The following PLEC variants were observed in gnomAD, a reference collection of about 807,000 sequenced individuals.
PLEC encodes hemidesmosomal protein 1.
A neutral mutation model predicts 392.8 loss-of-function variants in PLEC; 216 were observed. That is an observed-to-expected ratio of 0.55 (90% CI 0.49 to 0.62). PLEC has a LOEUF of 0.62. Among genes scored for constraint, PLEC ranks in the 20% least tolerant of loss-of-function variants. PLEC has a pLI of 0.00. For missense variants in PLEC, 6,863 were observed against 6,563.4 expected, an observed-to-expected ratio of 1.05 and a Z score of -1.58; for synonymous variants, 3,621 against 2,980.6, an observed-to-expected ratio of 1.21 and a Z score of -7.00.
chr8:143,966,514 G>A (rs933708572), intron 1 of PLEC, among the ~76,000 whole-genome samples: 5 of 152,228 alleles, frequency 3.3e-5, no homozygotes. Context: ...AGCCACCACG[G>A]GGGACTCCTC....
chr8:143,966,901 A>G (rs1554742439), intron 1 of PLEC, among the ~76,000 whole-genome samples: 1 of 152,200 alleles, frequency 6.6e-6, no homozygotes, highest in East Asian at 1.9e-4. Flanking sequence ...CTCAGCCCCA[A>G]GCAAATTCCA....
chr8:143,959,735 G>A (rs1279174916), intron 1 of PLEC, among the ~76,000 whole-genome samples: 2 of 152,262 alleles, frequency 1.3e-5, no homozygotes, highest in Non-Finnish European at 2.9e-5. Flanking sequence ...GGTGGCTCAC[G>A]CCTGTAATCC....
chr8:143,946,503 C>G, intron 1 of PLEC: 1 of 772,044 alleles, frequency 1.3e-6, no homozygotes, highest in Non-Finnish European at 1.9e-6. Context: ...CTGGTAGCAG[C>G]GGCTCCTCCT....
Position 143,922,302 on chromosome 8 carries a change from G to A in PLEC, c.7519C>T (p.Arg2507Cys), listed in dbSNP as rs782503698. Residue 2507 changes from arginine to cysteine, a missense_variant, in exon 32 of 32, where the codon CGC (arginine) becomes TGC (cysteine). Physicochemically the swap from Arg to Cys is radical, Grantham distance 180. Transcript: ENST00000345136. ...SEKDSLLQRE[R>C]FIEQEKAKLE... is the part of the protein sequence containing the mutation. The stretch of plus-strand genomic sequence containing the variant: ...TTGGCCTTCTCCTGCTCGATGAAGC[G>A]CTCCCGCTGTAGCAGGCTGTCCTTT... 3.4e-5 allele frequency: 54 copies of A among 1,607,500 alleles called. No individual in the cohort carries two copies. The highest frequency in any genetic ancestry group is 3.6e-5 in the Non-Finnish European group (42 of 1,179,850).
In PLEC at chr8:143,925,011, CGTT is replaced by C. The variant is rs1824472543; in HGVS notation, c.4915_4917del (p.Asn1639del). ...GCCTGCAGCCGCAGCCGTAGCGCCT[CGTT>C]GGCCTTGAGCTGCCAGCGCTCCAGC... On this transcript the variant is annotated inframe_deletion, in exon 31 of 32. Coordinates refer to ENST00000345136, the MANE Select transcript of PLEC (RefSeq NM_201384.3). 6.4e-7 allele frequency: 1 copy of C among 1,573,874 alleles called. No individual in the cohort carries two copies. Among genetic ancestry groups the C allele is most frequent in the Non-Finnish European group, 8.6e-7 (1 of 1,167,864 alleles).
In PLEC at chr8:143,917,274, T is replaced by C. The variant is rs1302583572; in HGVS notation, c.12547A>G (p.Ile4183Val). 2.9e-5 allele frequency: 46 copies of C among 1,610,286 alleles called. 1 individual carries two copies. In the East Asian group the frequency reaches 6.3e-4, roughly 22 times the overall value. Residue 4183 changes from isoleucine (I) to valine (V), a missense_variant, in exon 32 of 32, where the codon ATC (isoleucine) becomes GTC (valine). Physicochemically the swap from Ile to Val is conservative, Grantham distance 29 (BLOSUM62 3). Transcript: ENST00000345136. ...EQECEWEEIT[I>V]SSSDGVVKSM... ...TTGACCACGCCGTCCGAGGAGGAGA[T>C]GGTGATCTCCTCCCACTCGCACTCC...
chr8:143,926,058 GC>G (rs1825062190), intron 30 of PLEC, among the ~76,000 whole-genome samples, 174 bp from the exon 31 acceptor site: 1 of 152,264 alleles, frequency 6.6e-6, no homozygotes, highest in Non-Finnish European at 1.5e-5. Flanking sequence ...CGCTCGGGCA[GC>G]GATCGCAGCC....
upstream of PLEC, among the ~76,000 whole-genome samples, chr8:143,954,910 C>T (rs1239566343): frequency 3.3e-5 from 5 of 152,226 alleles, no homozygotes; most frequent in Non-Finnish European, 7.3e-5. This position sits in a 1 kb window ranked among gnomAD's most constrained non-coding sequence, Gnocchi z 4.6. Context: ...CAAGTCCTTC[C>T]CCTCCTGTAA....
rs782515335 is a variant in PLEC at position 143,939,212 on chromosome 8, G to T, written c.112+138C>A. 18 of 1,201,510 alleles carry T rather than the reference G, an allele frequency of 1.5e-5. No homozygotes were observed. In the Admixed American group the frequency reaches 2.7e-4, roughly 18 times the overall value. 74.4% of individuals were successfully genotyped at this position (1,201,510 alleles called of 1,614,324 possible). A position where few individuals can be genotyped will look rare whatever the true frequency, so the allele number is the denominator to read the frequency against. On this transcript the variant is annotated intron_variant, in intron 1 of 31. Coordinates refer to ENST00000345136, the MANE Select transcript of PLEC (RefSeq NM_201384.3). ...CCTGTCGGCCCACTCCGTGTTGGGT[G>T]GGGATGGCTGGCCCCCGACCCCCAT... is the stretch of plus-strand genomic sequence containing the variant.
Position 143,921,428 on chromosome 8 carries a change from A to G in PLEC, c.8393T>C (p.Val2798Ala). 1 of 1,613,222 alleles carries G rather than the reference A, an allele frequency of 6.2e-7. No homozygotes were observed. Among genetic ancestry groups the G allele is most frequent in the Non-Finnish European group, 8.5e-7 (1 of 1,179,796 alleles). ...CAGCAGGCGGATGCCGTGCTCCCGG[A>G]CGATGAGGCCCTTCTGCATGGCTTG... The part of the protein sequence containing the change: ...LFQAMQKGLI[V>A]REHGIRLLEA... Residue 2798 changes from valine to alanine, a missense_variant, in exon 32 of 32, where the codon GTC becomes GCC. Coordinates refer to ENST00000345136, the MANE Select transcript of PLEC (RefSeq NM_201384.3).
chr8:143,925,516 A>G lies in PLEC; in HGVS notation c.4413T>C (p.Ala1471=), dbSNP rs35916068. 616,853 of 1,592,696 alleles carry G rather than the reference A, an allele frequency of 0.39. 125,850 individuals carry two copies. Among genetic ancestry groups the G allele is most frequent in the Non-Finnish European group, 0.42 (495,368 of 1,176,588 alleles). ...LEATERQRGG[A]EGELQALRAR... is the part of the protein sequence containing the mutation. ...CACGCAGTGCCTGCAGCTCCCCCTC[A>G]GCCCCGCCACGCTGGCGCTCGGTGG... The change falls in exon 31 of 32, where the codon GCT becomes GCC. Residue 1471 remains alanine, a synonymous_variant. Transcript: ENST00000345136.
chr8:143,936,307 G>C (rs1232978860), intron 5 of PLEC, among the ~76,000 whole-genome samples: 1 of 152,212 alleles, frequency 6.6e-6, no homozygotes, highest in East Asian at 1.9e-4. Flanking sequence ...CACTCCCCTA[G>C]CTGGGGAGGG....
intron 1 of PLEC, among the ~76,000 whole-genome samples, chr8:143,947,375 G>A (rs993208713): frequency 6.6e-6 from 1 of 152,254 alleles, no homozygotes; most frequent in Non-Finnish European, 1.5e-5. Flanking sequence ...CGTTGCTGGT[G>A]CATGGACAGC....
At position 143,918,694 on chromosome 8, in the gene PLEC, A is replaced by T. The variant is rs7819099; in HGVS notation, c.11127T>A (p.Ala3709=). 1.9e-5 allele frequency: 31 copies of T among 1,612,608 alleles called. 1 individual carries two copies. The South Asian group carries it at 3.4e-4, about 18-fold the overall frequency. Residue 3709 remains alanine, a synonymous_variant, in exon 32 of 32, where the codon GCT becomes GCA. Transcript: ENST00000345136. ...GSRQTLSIYQ[A]LKKGLLSAEV... is the part of the protein sequence containing the mutation. ...CGGCACTCAGCAGCCCTTTCTTGAG[A>T]GCCTGGTAGATGCTCAGTGTCTGCC...
At chr8:143,974,436 A>G (rs1403039695), upstream of PLEC, among the ~76,000 whole-genome samples, 1 of 152,222 alleles carries the variant, frequency 6.6e-6, no homozygotes, top group Non-Finnish European at 1.5e-5. The surrounding 1 kb of genome is among the most constrained non-coding windows in gnomAD (Gnocchi z 5.9). Context: ...ATGCAGATGG[A>G]ACCAGACCCT....
upstream of PLEC, chr8:143,943,916 T>C (rs781809133): frequency 1.3e-5 from 21 of 1,606,300 alleles, no homozygotes; most frequent in Non-Finnish European, 1.8e-5. Context: ...CCGCCAGGGC[T>C]GCCCTTCCTG....
rs782461527 is a variant in PLEC at position 143,925,698 on chromosome 8, C to T, written c.4231G>A (p.Ala1411Thr). Reference protein sequence around the residue: ...VVRREEAAVDAQQQKRSIQEE... With the variant: ...VVRREEAAVDTQQQKRSIQEE... ...TGAATGCTGCGCTTCTGCTGCTGCG[C>T]GTCCACCGCCGCCTCCTCCCGCCGC... Residue 1411 changes from alanine (A) to threonine (T), a missense_variant, in exon 31 of 32, where the codon GCG becomes ACG. By Grantham distance (58) the Ala-to-Thr change is moderately conservative. Coordinates refer to ENST00000345136, the MANE Select transcript of PLEC (RefSeq NM_201384.3). 64 of 1,592,132 alleles carry T rather than the reference C, an allele frequency of 4.0e-5. No homozygotes were observed. The Middle Eastern group carries it at 4.9e-4, about 12-fold the overall frequency.
upstream of PLEC, chr8:143,943,983 G>A (rs1242836479): frequency 8.5e-6 from 13 of 1,536,824 alleles, no homozygotes; most frequent in African/African-American, 4.1e-5. Flanking sequence ...CAGGGCGAGC[G>A]AGGGGGAGCG....
In PLEC at chr8:143,932,968, G is replaced by A. The variant is rs1587097419; in HGVS notation, c.1562C>T (p.Thr521Ile). Residue 521 changes from threonine (T) to isoleucine (I), a missense_variant, in exon 14 of 32, where the codon ACT becomes ATT. Transcript: ENST00000345136. ...CAGCAGGTCCTGCAGGTAGCGCAGA[G>A]TGGAGTCCTCCAGCTCGGGGCGCCT... is the stretch of plus-strand genomic sequence containing the variant. ...VQRRPELEDS[T>I]LRYLQDLLAW... is the part of the protein sequence containing the mutation. 1 of 1,612,386 alleles carries A rather than the reference G, an allele frequency of 6.2e-7. No individual in the cohort carries two copies.
Sources: allele counts gnomAD v4.1 joint callset (sites outside exome capture counted in the v4.1 genomes callset), GRCh38; gene constraint gnomAD v4.1.1; non-coding constraint Gnocchi (gnomAD v3.1); transcripts MANE v1.5; gene names NCBI Gene and HGNC (gene_info 2026-07-23, HGNC 2026-07-21).